TCF7L2: variants seen among roughly 807,000 people sequenced by gnomAD.
TCF7L2 encodes transcription factor 7 like 2.
A neutral mutation model predicts 77.9 loss-of-function variants in TCF7L2; 23 were observed. That is an observed-to-expected ratio of 0.30 (90% CI 0.21 to 0.42). TCF7L2 has a LOEUF of 0.42. Ranked by LOEUF, TCF7L2 falls within the 10% of genes least tolerant of loss-of-function variation. The pLI is 1.00. For missense variants in TCF7L2, 654 were observed against 793.1 expected (o/e 0.82, Z 2.11); for synonymous variants, 413 against 340.2 (o/e 1.21, Z -2.36).
chr10:113,079,302 C>T (rs1448041208), intron 5 of TCF7L2, among the ~76,000 whole-genome samples: 2 of 152,066 alleles, frequency 1.3e-5, no homozygotes, highest in East Asian at 3.9e-4. Flanking sequence ...TGTTTTGTCC[C>T]GATTTGCCAC....
At chr10:113,159,851 C>G in intron 12 of TCF7L2, 69 bp from the exon 14 acceptor site, 1 of 219,088 alleles carries the variant, frequency 4.6e-6, no homozygotes, top group African/African-American at 3.8e-5. Flanking sequence ...CCCCCTCTTT[C>G]TCTCTCTCTC....
intron 5 of TCF7L2, among the ~76,000 whole-genome samples, chr10:113,075,123 T>A (rs1045573727): frequency 6.6e-5 from 10 of 151,996 alleles, no homozygotes; most frequent in African/African-American, 2.4e-4. Flanking sequence ...CAAAGCATGC[T>A]GGGATTACAG....
intron 5 of TCF7L2, among the ~76,000 whole-genome samples, chr10:113,099,096 T>G (rs1473090139): frequency 6.6e-6 from 1 of 152,206 alleles, no homozygotes; most frequent in Non-Finnish European, 1.5e-5. Context: ...TTTCTATTCT[T>G]CATTGTGGGC....
At chr10:112,969,058 G>A (rs1194334394) in intron 4 of TCF7L2, among the ~76,000 whole-genome samples, 1 of 152,162 alleles carries the variant, frequency 6.6e-6, no homozygotes, top group Non-Finnish European at 1.5e-5. Context: ...GGCAGTGGCT[G>A]TATTTGGTCC....
At chr10:113,032,337 GA>G (rs2050381110) in intron 4 of TCF7L2, among the ~76,000 whole-genome samples, 1 of 152,226 alleles carries the variant, frequency 6.6e-6, no homozygotes, top group African/African-American at 2.4e-5. Context: ...GCGGGTTAAA[GA>G]AAACAGTGAA....
At chr10:113,050,629 A>G (rs2054256721) in intron 5 of TCF7L2, among the ~76,000 whole-genome samples, 1 of 151,690 alleles carries the variant, frequency 6.6e-6, no homozygotes, top group Non-Finnish European at 1.5e-5. Flanking sequence ...GGAACTCAGG[A>G]AAAAAAAATT....
intron 3 of TCF7L2, chr10:112,951,964 C>T (rs2134225706): frequency 6.6e-6 from 1 of 152,042 alleles, no homozygotes; most frequent in South Asian, 2.1e-4. Context: ...GTGTTTGTTT[C>T]TTCACCCTGG....
intron 5 of TCF7L2, among the ~76,000 whole-genome samples, chr10:113,077,936 A>G (rs978951960): frequency 1.3e-5 from 2 of 150,530 alleles, no homozygotes; most frequent in Admixed American, 6.6e-5. Flanking sequence ...GGGTTTCACC[A>G]TGTTGGCTAG....
At chr10:113,016,848 A>G (rs2047417467) in intron 4 of TCF7L2, among the ~76,000 whole-genome samples, 2 of 152,058 alleles carry the variant, frequency 1.3e-5, no homozygotes, top group African/African-American at 4.8e-5. Flanking sequence ...GCTGCCCACC[A>G]GATCCTGACA....
intron 6 of TCF7L2, among the ~76,000 whole-genome samples, chr10:113,141,770 C>T (rs1276519707): frequency 6.6e-6 from 1 of 152,202 alleles, no homozygotes; most frequent in Admixed American, 6.5e-5. Flanking sequence ...CTAAGAGGCT[C>T]CAGTCACTAC....
At chr10:113,015,447 T>G in intron 4 of TCF7L2, among the ~76,000 whole-genome samples, 1 of 40,230 alleles carries the variant, frequency 2.5e-5, no homozygotes, top group African/African-American at 4.6e-4. Flanking sequence ...CCTGATGAGC[T>G]TTTTTTTTTT....
chr10:113,082,709 C>A (rs2059435126), intron 5 of TCF7L2, among the ~76,000 whole-genome samples: 1 of 151,958 alleles, frequency 6.6e-6, no homozygotes, highest in African/African-American at 2.4e-5. Context: ...TGGCCATGTC[C>A]AGAAATCGGG....
chr10:112,961,572 A>G (rs1198734669), intron 3 of TCF7L2, among the ~76,000 whole-genome samples: 1 of 152,228 alleles, frequency 6.6e-6, no homozygotes, highest in Non-Finnish European at 1.5e-5. Flanking sequence ...AGGAAAAAGC[A>G]GTGAAAGTAT....
chr10:113,153,873 C>T (rs999912714), intron 11 of TCF7L2, among the ~76,000 whole-genome samples: 1 of 152,204 alleles, frequency 6.6e-6, no homozygotes, highest in Non-Finnish European at 1.5e-5. Context: ...TAATTTCAGG[C>T]CTCCTTCCTC....
chr10:113,111,847 A>G (rs746921665), intron 5 of TCF7L2, among the ~76,000 whole-genome samples: 1 of 152,194 alleles, frequency 6.6e-6, no homozygotes, highest in Non-Finnish European at 1.5e-5. Flanking sequence ...TCTCAAATCA[A>G]TTCTTCTAAA....
rs1164134121 is a variant in TCF7L2, at chr10:113,053,513, G to GT, written c.552+13389dup. Among the ~76,000 whole-genome samples the GT allele has an allele frequency of 1.3e-4, 20 of 152,164 alleles. 1 individual carries two copies. Among genetic ancestry groups the GT allele is most frequent in the Non-Finnish European group, 2.9e-5 (2 of 68,038 alleles). On this transcript the variant is annotated intron_variant, in intron 5 of 13. Transcript: ENST00000627217. ...TGTCATGCACTGTCCTGGAGCCTCA[G>GT]TTACTACAAAGTCTGCAAATGATAG... is the stretch of plus-strand genomic sequence containing the variant.
chr10:113,092,165 G>T (rs1284875289), intron 5 of TCF7L2, among the ~76,000 whole-genome samples: 2 of 152,184 alleles, frequency 1.3e-5, no homozygotes, highest in Non-Finnish European at 2.9e-5. Flanking sequence ...GAGCTGATTA[G>T]ATCCCTGGCG....
At chr10:112,960,155 T>C (rs1157498209) in intron 3 of TCF7L2, among the ~76,000 whole-genome samples, 1 of 152,236 alleles carries the variant, frequency 6.6e-6, no homozygotes, top group African/African-American at 2.4e-5. Context: ...TCAATTGTTT[T>C]AATTGTCTTT....
At chr10:113,024,846 C>G (rs1278509187) in intron 4 of TCF7L2, among the ~76,000 whole-genome samples, 1 of 152,126 alleles carries the variant, frequency 6.6e-6, no homozygotes, top group African/African-American at 2.4e-5. Context: ...TCTCGAACTC[C>G]TGACCTCAAG....
Sources: gnomAD v4.1 joint callset for allele counts (sites outside exome capture counted in the v4.1 genomes callset) on GRCh38, gnomAD v4.1.1 for gene constraint, MANE v1.5 for transcripts, NCBI Gene and HGNC (gene_info 2026-07-23, HGNC 2026-07-21) for gene names.